The following PLCE1 variants were observed in gnomAD, a reference collection of about 807,000 sequenced individuals.
The protein encoded by PLCE1 is phospholipase C epsilon 1.
PLCE1 carries 119 observed loss-of-function variants against 242.8 expected under a neutral mutation model. The observed-to-expected ratio is 0.49, with a 90% confidence interval of 0.42 to 0.57. PLCE1 has a LOEUF of 0.57. PLCE1 is among the 20% of genes least tolerant of loss of function. The probability of loss-of-function intolerance (pLI) is 0.00; values close to 1 mark genes in which losing one functional copy is unlikely to be tolerated. For synonymous variants in PLCE1, 945 were observed against 1,017.4 expected, an observed-to-expected ratio of 0.93 and a Z score of 1.35; for missense variants, 2,441 against 2,788.8, an observed-to-expected ratio of 0.88 and a Z score of 2.81.
At chr10:94,012,142 A>G (rs2061181427) in intron 1 of PLCE1, among the ~76,000 whole-genome samples, 2 of 152,028 alleles carry the variant, frequency 1.3e-5, no homozygotes, top group East Asian at 2.0e-4. Flanking sequence ...AATCAGTAAC[A>G]TGGCCGATAT....
In PLCE1 at chr10:94,058,430, C is replaced by T. The variant is rs541389950; in HGVS notation, c.1206+26178C>T. 3.9e-5 allele frequency among the ~76,000 whole-genome samples: 6 copies of T among 152,264 alleles called. No homozygotes were observed. In the East Asian group the frequency reaches 1.2e-3, roughly 29 times the overall value. ...GTATTTTCTTGAGCAAAGCATTCCACGATAATCAAGTTTGGGAAACATCAC... is the reference window on the plus strand; with the variant it reads ...GTATTTTCTTGAGCAAAGCATTCCATGATAATCAAGTTTGGGAAACATCAC... On this transcript the variant is annotated intron_variant, in intron 2 of 32. Coordinates refer to ENST00000371380, the MANE Select transcript of PLCE1 (RefSeq NM_016341.4).
At chr10:94,010,175 T>A (rs1246749115) in intron 1 of PLCE1, among the ~76,000 whole-genome samples, 2 of 152,208 alleles carry the variant, frequency 1.3e-5, no homozygotes, top group African/African-American at 4.8e-5. Context: ...TAACACCGCA[T>A]GGAAGCCACC....
chr10:94,157,458 C>T (rs1447108681), intron 3 of PLCE1, among the ~76,000 whole-genome samples: 2 of 152,188 alleles, frequency 1.3e-5, no homozygotes, highest in Non-Finnish European at 2.9e-5. Flanking sequence ...TGCGATCACA[C>T]ATACATGTGA....
Position 94,324,474 on chromosome 10 carries a change from G to C in PLCE1, c.6627G>C (p.Gln2209His). The stretch of plus-strand genomic sequence containing the variant: ...AGACTACCACACCAAAGTCCTCTCA[G>C]CGGGTCCTTCTGGATCAGGAGTGTG... ...NKKTTTPKSSQRVLLDQECVF... is the reference protein window; with the variant it reads ...NKKTTTPKSSHRVLLDQECVF... Residue 2209 changes from glutamine to histidine, a missense_variant, in exon 31 of 33, where the codon CAG (glutamine) becomes CAC (histidine). Gln to His is a conservative substitution (Grantham distance 24). Transcript: ENST00000371380. 6.2e-7 allele frequency: 1 copy of C among 1,614,160 alleles called. No homozygotes were observed.
chr10:94,025,866 A>G (rs2061445653), intron 1 of PLCE1, among the ~76,000 whole-genome samples: 1 of 152,200 alleles, frequency 6.6e-6, no homozygotes, highest in Non-Finnish European at 1.5e-5. Flanking sequence ...TTCATTATTT[A>G]TCTAGTACAT....
At chr10:94,272,046 G>A (rs572067364) in intron 18 of PLCE1, among the ~76,000 whole-genome samples, 3 of 152,322 alleles carry the variant, frequency 2.0e-5, no homozygotes, top group Non-Finnish European at 4.4e-5. Flanking sequence ...AAGGGTCTAC[G>A]TTCAGCGGTG....
intron 3 of PLCE1, among the ~76,000 whole-genome samples, chr10:94,141,952 TTCCAAAACTTCCC>T (rs1307864711): frequency 5.9e-5 from 9 of 152,182 alleles, no homozygotes; most frequent in Non-Finnish European, 1.3e-4. Flanking sequence ...AACCATTAGA[TTCCAAAACTTCCC>T]TCCAAAACTT....
chr10:94,245,188 T>G (rs1227195750), intron 7 of PLCE1, among the ~76,000 whole-genome samples: 1 of 152,220 alleles, frequency 6.6e-6, no homozygotes, highest in Non-Finnish European at 1.5e-5. Flanking sequence ...CACCTTGGCT[T>G]GGCCTCCTCT....
intron 4 of PLCE1, among the ~76,000 whole-genome samples, chr10:94,174,969 A>T (rs1451948500): frequency 6.6e-6 from 1 of 152,190 alleles, no homozygotes; most frequent in African/African-American, 2.4e-5. Context: ...AGATGCTAAC[A>T]TTAGAGGAAG....
chr10:94,285,943 T>C (rs1008567569), intron 22 of PLCE1, among the ~76,000 whole-genome samples: 5 of 152,166 alleles, frequency 3.3e-5, no homozygotes, highest in Non-Finnish European at 7.3e-5. Context: ...CCTGTCTGTC[T>C]CCAAAGTCCT....
At chr10:94,127,024 T>C (rs1032405492) in intron 2 of PLCE1, among the ~76,000 whole-genome samples, 2 of 152,224 alleles carry the variant, frequency 1.3e-5, no homozygotes, top group African/African-American at 4.8e-5. Flanking sequence ...ACTAGGTGTG[T>C]AAGGCTGACT....
rs569463599 is a variant in PLCE1, at chr10:94,203,696, T to C, written c.1810-23610T>C. 4.6e-5 allele frequency among the ~76,000 whole-genome samples: 7 copies of C among 152,182 alleles called. No individual in the cohort carries two copies. In the South Asian group the frequency reaches 1.5e-3, roughly 32 times the overall value. ...CTACATAAGCAGAAATAAAAAGAGG[T>C]GAGAACATCTCTCTCTTCTTCCTGG... On this transcript the variant is annotated intron_variant, in intron 4 of 32. Transcript: ENST00000371380.
At chr10:94,151,930 A>G (rs1194668599) in intron 3 of PLCE1, among the ~76,000 whole-genome samples, 4 of 152,190 alleles carry the variant, frequency 2.6e-5, no homozygotes, top group Middle Eastern at 3.4e-3. Context: ...TTTTTTTCCT[A>G]TTAGAAGTGG....
At chr10:94,079,763 A>G (rs2044604723) in intron 2 of PLCE1, among the ~76,000 whole-genome samples, 1 of 152,204 alleles carries the variant, frequency 6.6e-6, no homozygotes, top group African/African-American at 2.4e-5. Flanking sequence ...CCTGGGGTAG[A>G]GTCCAGGAAG....
At chr10:94,063,065 C>G (rs527904489) in intron 2 of PLCE1, among the ~76,000 whole-genome samples, 2 of 152,266 alleles carry the variant, frequency 1.3e-5, no homozygotes, top group African/African-American at 4.8e-5. Flanking sequence ...CCAATCCTTT[C>G]CCACCTGGAC....
intron 1 of PLCE1, among the ~76,000 whole-genome samples, chr10:94,013,373 G>T (rs1355115171): frequency 2.0e-5 from 3 of 152,114 alleles, no homozygotes; most frequent in Admixed American, 6.5e-5. Context: ...GGCACTCAGG[G>T]TTTTGTGAAC....
intron 8 of PLCE1, among the ~76,000 whole-genome samples, chr10:94,247,859 G>A (rs982738892): frequency 2.0e-4 from 31 of 152,280 alleles, no homozygotes; most frequent in African/African-American, 7.0e-4. Flanking sequence ...AGCATCCCTT[G>A]GGGAAAAGAG....
At chr10:94,146,643 G>T (rs1231150781) in intron 3 of PLCE1, among the ~76,000 whole-genome samples, 1 of 152,156 alleles carries the variant, frequency 6.6e-6, no homozygotes. Flanking sequence ...GCCCAAATTG[G>T]AACTCACTGG....
chr10:94,283,782 A>G lies in PLCE1; in HGVS notation c.4796-8A>G. On this transcript the variant is annotated splice_region_variant and splice_polypyrimidine_tract_variant and intron_variant, in intron 20 of 32. Coordinates refer to ENST00000371380, the MANE Select transcript of PLCE1 (RefSeq NM_016341.4). ...CGTTTTCACTGAAGTCTGCTAACTT[A>G]TTTTCAGACAACATTCTGGAAGACA... 3 of 1,610,170 alleles carry G rather than the reference A, an allele frequency of 1.9e-6. 1 individual carries two copies. The highest frequency in any genetic ancestry group is 2.5e-6 in the Non-Finnish European group (3 of 1,177,448).
Sources: allele counts gnomAD v4.1 joint callset (sites outside exome capture counted in the v4.1 genomes callset), GRCh38; gene constraint gnomAD v4.1.1; transcripts MANE v1.5; gene names NCBI Gene and HGNC (gene_info 2026-07-23, HGNC 2026-07-21).